BICRA: variants seen among roughly 807,000 people sequenced by gnomAD.
BICRA encodes BRD4 interacting chromatin remodeling complex associated protein.
A neutral mutation model predicts 96.9 loss-of-function variants in BICRA; 31 were observed. The ratio of observed to expected loss-of-function variants is 0.32; its 90% CI spans 0.24 to 0.43. The LOEUF (loss-of-function observed/expected upper bound fraction) is 0.43. Among genes scored for constraint, BICRA ranks in the 20% least tolerant of loss-of-function variants. The pLI is 1.00. For synonymous variants in BICRA, 1,350 were observed against 1,071.8 expected, an observed-to-expected ratio of 1.26 and a Z score of -5.07; for missense variants, 2,283 against 2,190.3, an observed-to-expected ratio of 1.04 and a Z score of -0.84.
At chr19:47,685,929 C>A (rs1973151175) in intron 7 of BICRA, among the ~76,000 whole-genome samples, 1 of 151,866 alleles carries the variant, frequency 6.6e-6, no homozygotes, top group African/African-American at 2.4e-5. Flanking sequence ...CTTGACCCAC[C>A]ACCCGGGATA....
intron 1 of BICRA, among the ~76,000 whole-genome samples, chr19:47,621,858 C>T (rs1025692035): frequency 1.3e-5 from 2 of 152,052 alleles, no homozygotes; most frequent in Non-Finnish European, 2.9e-5. Context: ...ATAGTGCGAT[C>T]TTGGCTCACT....
At chr19:47,619,405 C>T (rs369887078) in intron 1 of BICRA, among the ~76,000 whole-genome samples, 2 of 151,826 alleles carry the variant, frequency 1.3e-5, no homozygotes, top group East Asian at 3.9e-4. Context: ...ATTATAGGCG[C>T]CCGCCACCAC....
At chr19:47,636,765 C>A (rs1972306000) in intron 1 of BICRA, among the ~76,000 whole-genome samples, 1 of 152,100 alleles carries the variant, frequency 6.6e-6, no homozygotes, top group African/African-American at 2.4e-5. Flanking sequence ...ATCTTGGCCT[C>A]CCAAAGTGCT....
chr19:47,646,905 C>T (rs1972468027), intron 1 of BICRA, among the ~76,000 whole-genome samples: 1 of 152,122 alleles, frequency 6.6e-6, no homozygotes, highest in Non-Finnish European at 1.5e-5. Context: ...GAACATTTTC[C>T]TCACCTCAAA....
intron 1 of BICRA, among the ~76,000 whole-genome samples, chr19:47,632,928 C>G (rs992764300): frequency 6.6e-6 from 1 of 152,014 alleles, no homozygotes; most frequent in Admixed American, 6.6e-5. Context: ...AGTCTGCCTC[C>G]CGAAGTGGTG....
In BICRA at chr19:47,680,553, C is replaced by A. The variant is rs369958368; in HGVS notation, c.1383C>A (p.Pro461=). ...LLNQGSSIVI[P]AQHMLPGQNQ... is the part of the protein sequence containing the mutation. Reference sequence around the variant, plus strand: ...ACCAAGGCAGCAGCATCGTCATCCCCGCCCAGCACATGCTGCCGGGCCAGA... The same window carrying A: ...ACCAAGGCAGCAGCATCGTCATCCCAGCCCAGCACATGCTGCCGGGCCAGA... Residue 461 remains proline, a synonymous_variant, in exon 6 of 15, where the codon CCC becomes CCA. Coordinates refer to ENST00000594866, the MANE Select transcript of BICRA (RefSeq NM_001394372.1). 1.1e-4 allele frequency: 182 copies of A among 1,585,424 alleles called. No homozygotes were observed. Among genetic ancestry groups the A allele is most frequent in the Admixed American group, 9.0e-5 (5 of 55,858 alleles).
intron 6 of BICRA, 143 bp from the exon 7 acceptor site, chr19:47,681,831 CTG>C (rs1244066316): frequency 3.9e-5 from 25 of 637,504 alleles, no homozygotes; most frequent in Non-Finnish European, 6.1e-5. Context: ...GTTTCGGCCT[CTG>C]TGCCTGGCAC....
intron 1 of BICRA, among the ~76,000 whole-genome samples, chr19:47,631,089 C>CT (rs1462336175): frequency 6.6e-6 from 1 of 152,024 alleles, no homozygotes; most frequent in East Asian, 1.9e-4. Flanking sequence ...GAGACAGAGT[C>CT]TGACTCTTTT....
At chr19:47,613,352 T>C (rs1599777076) in intron 1 of BICRA, among the ~76,000 whole-genome samples, 1 of 152,196 alleles carries the variant, frequency 6.6e-6, no homozygotes, top group South Asian at 2.1e-4. Context: ...AGGCTGCTGG[T>C]AGGGGAAGTT....
At chr19:47,615,132 C>A (rs868760220) in intron 1 of BICRA, among the ~76,000 whole-genome samples, 1 of 152,114 alleles carries the variant, frequency 6.6e-6, no homozygotes, top group African/African-American at 2.4e-5. Flanking sequence ...TACAGGTGCA[C>A]GCCACCACGC....
chr19:47,694,769 AT>A (rs1973307103), intron 8 of BICRA, 43 bp downstream of exon 8: 1 of 913,734 alleles, frequency 1.1e-6, no homozygotes, highest in Non-Finnish European at 1.6e-6. Flanking sequence ...GCCCCATCCC[AT>A]CCCACCCTCT....
Position 47,655,525 on chromosome 19 carries a change from CAAA to C in BICRA, c.-107-14897_-107-14895del, listed in dbSNP as rs58172799. Among the ~76,000 whole-genome samples, 36 of 65,090 alleles carry C rather than the reference CAAA, an allele frequency of 5.5e-4. 1 individual carries two copies. The highest frequency in any genetic ancestry group is 0.012 in the Middle Eastern group (1 of 84). 42.7% of individuals were successfully genotyped at this position (65,090 alleles called of 152,430 possible). On this transcript the variant is annotated intron_variant, in intron 1 of 14. Transcript: ENST00000594866. Reference sequence around the variant, plus strand: ...GGGCAACAAGAGCAAAACTCTGTCTCAAAAAAAAAAAAAAAAAAAAAAATTAGT... The same window carrying C: ...GGGCAACAAGAGCAAAACTCTGTCTCAAAAAAAAAAAAAAAAAAAATTAGT...
intron 7 of BICRA, among the ~76,000 whole-genome samples, chr19:47,690,284 G>A (rs1973222305): frequency 6.6e-6 from 1 of 152,152 alleles, no homozygotes; most frequent in Non-Finnish European, 1.5e-5. Context: ...TTACAGGTGT[G>A]AGCCACCGCG....
chr19:47,611,065 A>G lies in BICRA; in HGVS notation c.-108+1897A>G, dbSNP rs998018766. Among the ~76,000 whole-genome samples, 47 of 152,272 alleles carry G rather than the reference A, an allele frequency of 3.1e-4. 1 individual carries two copies. The highest frequency in any genetic ancestry group is 1.1e-3 in the African/African-American group (45 of 41,562). On this transcript the variant is annotated intron_variant, in intron 1 of 14. Coordinates refer to ENST00000594866, the MANE Select transcript of BICRA (RefSeq NM_001394372.1). ...ACATTCCCGTTTTCCAGACAGGTTC[A>G]TGGAGGCTCAGAGAGGTTAAGAAGC...
At position 47,701,820 on chromosome 19, in the gene BICRA, T is replaced by A. The variant is rs1238110508; in HGVS notation, c.4088T>A (p.Val1363Glu). ...PPPTGQMNGT[V>E]DHPPPAAPER... is the part of the protein sequence containing the mutation. Reference sequence around the variant, plus strand: ...CCCACGGGCCAGATGAACGGCACGGTGGACCACCCGCCGCCTGCCGCCCCC... The same window carrying A: ...CCCACGGGCCAGATGAACGGCACGGAGGACCACCCGCCGCCTGCCGCCCCC... The change falls in exon 15 of 15, where the codon GTG becomes GAG. Residue 1363 changes from valine (V) to glutamate (E), a missense_variant. Val to Glu is a moderately radical substitution (Grantham distance 121). Transcript: ENST00000594866. This position sits in a 1 kb window ranked among gnomAD's most constrained non-coding sequence, Gnocchi z 5.4. The A allele has an allele frequency of 9.8e-6, 15 of 1,530,674 alleles. No homozygotes were observed. Among genetic ancestry groups the A allele is most frequent in the African/African-American group, 1.4e-5 (1 of 71,542 alleles). The allele number at this position is 1,530,674 out of a possible 1,614,324, so 94.8% of individuals were successfully genotyped here. A position where few individuals can be genotyped will look rare whatever the true frequency, so the allele number is the denominator to read the frequency against.
intron 5 of BICRA, among the ~76,000 whole-genome samples, chr19:47,677,591 G>A (rs1011392257): frequency 6.6e-6 from 1 of 152,198 alleles, no homozygotes; most frequent in South Asian, 2.1e-4. Context: ...GGCTGCTTGG[G>A]AGGCTAAGGC....
intron 5 of BICRA, among the ~76,000 whole-genome samples, chr19:47,676,494 ACCTCCTT>A (rs1972942920): frequency 6.7e-6 from 1 of 149,710 alleles, no homozygotes; most frequent in African/African-American, 2.5e-5. Context: ...CACGGTGGCC[ACCTCCTT>A]CCTCCTTCTC....
rs369235992 is a variant in BICRA, at chr19:47,667,171, C to G, written c.-107-3272C>G. ...GTCGCTAGGACTACAGGCGCCCACC[C>G]CCACGCCGGGCTCATTTTTTGTATT... is the stretch of plus-strand genomic sequence containing the variant. On this transcript the variant is annotated intron_variant, in intron 1 of 14. Transcript: ENST00000594866. 2.6e-5 allele frequency among the ~76,000 whole-genome samples: 4 copies of G among 152,158 alleles called. No homozygotes were observed. In the East Asian group the frequency reaches 7.8e-4, roughly 29 times the overall value.
At position 47,653,015 on chromosome 19, in the gene BICRA, C is replaced by CTT. The variant is rs869230602; in HGVS notation, c.-107-17406_-107-17405dup. Among the ~76,000 whole-genome samples, 141 of 113,662 alleles carry CTT rather than the reference C, an allele frequency of 1.2e-3. 4 individuals are homozygous for CTT. The highest frequency in any genetic ancestry group is 9.8e-3 in the South Asian group (34 of 3,462). The allele number at this position is 113,662 out of a possible 152,430, so 74.6% of individuals were successfully genotyped here. ...TCAGTACACAAAGAACGTCCTCATT[C>CTT]TTTTTTTTTTTTTTTTTTTTTTTCC... On this transcript the variant is annotated intron_variant, in intron 1 of 14. Coordinates refer to ENST00000594866, the MANE Select transcript of BICRA (RefSeq NM_001394372.1).
Sources: allele counts gnomAD v4.1 joint callset (sites outside exome capture counted in the v4.1 genomes callset), GRCh38; gene constraint gnomAD v4.1.1; non-coding constraint Gnocchi (gnomAD v3.1); transcripts MANE v1.5; gene names NCBI Gene and HGNC (gene_info 2026-07-23, HGNC 2026-07-21).